RARB: variants seen among roughly 807,000 people sequenced by gnomAD.
RARB encodes HBV-activated protein.
RARB carries 17 observed loss-of-function variants against 51.9 expected under a neutral mutation model. The ratio of observed to expected loss-of-function variants is 0.33; its 90% CI spans 0.22 to 0.49. The LOEUF (loss-of-function observed/expected upper bound fraction) is 0.49, where lower values mean the gene tolerates loss of function less well. RARB is among the 20% of genes least tolerant of loss of function. RARB has a pLI of 0.99. For synonymous variants in RARB, 215 were observed against 195.4 expected, an observed-to-expected ratio of 1.10 and a Z score of -0.84; for missense variants, 369 against 550.8, an observed-to-expected ratio of 0.67 and a Z score of 3.30.
intron 5 of RARB, among the ~76,000 whole-genome samples, chr3:25,311,901 ATC>A (rs1415604604): frequency 6.6e-6 from 1 of 152,172 alleles, no homozygotes; most frequent in African/African-American, 2.4e-5. Context: ...CTCCTAAGAA[ATC>A]CTGCCTCCTT....
At position 24,952,445 on chromosome 3, in the gene RARB, G is replaced by A. The variant is rs187583167; in HGVS notation, c.-380+93693G>A. Among the ~76,000 whole-genome samples, 260 of 152,122 alleles carry A rather than the reference G, an allele frequency of 1.7e-3. 5 individuals are homozygous for A. The highest frequency in any genetic ancestry group is 2.2e-4 in the Non-Finnish European group (15 of 68,014). On this transcript the variant is annotated intron_variant, in intron 2 of 11. Transcript: ENST00000383772. ...TTTCTAGGTTTTCCTTTACTAAAAT[G>A]TATTCTACTCTCTGCTAATGGCGCT...
chr3:25,033,302 G>A (rs1296509532), intron 2 of RARB, among the ~76,000 whole-genome samples: 1 of 152,162 alleles, frequency 6.6e-6, no homozygotes, highest in Non-Finnish European at 1.5e-5. Context: ...CTCATCTATT[G>A]TTAAAGATAG....
intron 5 of RARB, among the ~76,000 whole-genome samples, chr3:25,205,487 A>G (rs1701516186): frequency 6.6e-6 from 1 of 152,126 alleles, no homozygotes. Flanking sequence ...TCAGTTGGAA[A>G]TGCAGAAATA....
At chr3:25,163,349 T>A (rs1455706539) in intron 4 of RARB, among the ~76,000 whole-genome samples, 1 of 151,302 alleles carries the variant, frequency 6.6e-6, no homozygotes, top group Non-Finnish European at 1.5e-5. Flanking sequence ...ACAAAAAAAA[T>A]AAAAAATTAG....
chr3:25,391,516 T>C (rs1430973447), intron 5 of RARB, among the ~76,000 whole-genome samples: 1 of 152,194 alleles, frequency 6.6e-6, no homozygotes, highest in Non-Finnish European at 1.5e-5. Flanking sequence ...CCAATAGCAG[T>C]GCAAAAGTGT....
intron 5 of RARB, among the ~76,000 whole-genome samples, chr3:25,274,285 A>G (rs567262073): frequency 6.6e-6 from 1 of 152,306 alleles, no homozygotes; most frequent in African/African-American, 2.4e-5. Flanking sequence ...ATTTATACTA[A>G]CAACACCTCT....
intron 2 of RARB, among the ~76,000 whole-genome samples, chr3:25,057,615 C>G (rs1425710196): frequency 6.6e-6 from 1 of 151,816 alleles, no homozygotes; most frequent in Non-Finnish European, 1.5e-5. Context: ...ATTTGTGGAC[C>G]CTATGGGATG....
chr3:25,273,649 T>C (rs1167722845), intron 5 of RARB, among the ~76,000 whole-genome samples: 1 of 152,222 alleles, frequency 6.6e-6, no homozygotes, highest in African/African-American at 2.4e-5. Flanking sequence ...AGATAAGGAA[T>C]GCGATATCAT....
chr3:25,336,200 T>G (rs1299447078), intron 5 of RARB, among the ~76,000 whole-genome samples: 1 of 152,108 alleles, frequency 6.6e-6, no homozygotes, highest in African/African-American at 2.4e-5. Flanking sequence ...TAAACCAAAA[T>G]GCTAAGAGAA....
chr3:25,104,907 T>C (rs1166354970), intron 3 of RARB, among the ~76,000 whole-genome samples: 1 of 151,774 alleles, frequency 6.6e-6, no homozygotes, highest in Admixed American at 6.6e-5. Context: ...GTTGGGGGAG[T>C]GGAGGTAATG....
At chr3:25,144,105 C>G (rs1249709988) in intron 4 of RARB, among the ~76,000 whole-genome samples, 1 of 152,172 alleles carries the variant, frequency 6.6e-6, no homozygotes, top group Non-Finnish European at 1.5e-5. Flanking sequence ...AACCTTAGTT[C>G]ATACATTCAA....
intron 3 of RARB, among the ~76,000 whole-genome samples, chr3:25,508,523 CAG>C (rs1697722884): frequency 6.6e-6 from 1 of 152,182 alleles, no homozygotes; most frequent in Non-Finnish European, 1.5e-5. Context: ...GGCTTAATAA[CAG>C]GGAAATTCAT....
intron 2 of RARB, among the ~76,000 whole-genome samples, chr3:24,977,408 C>G (rs1338069524): frequency 1.3e-5 from 2 of 152,180 alleles, no homozygotes; most frequent in Admixed American, 1.3e-4. Flanking sequence ...GAATGTTCTT[C>G]CATTTGTTTG....
intron 3 of RARB, among the ~76,000 whole-genome samples, chr3:25,561,434 A>G (rs960929318): frequency 6.6e-6 from 1 of 152,148 alleles, no homozygotes; most frequent in African/African-American, 2.4e-5. Context: ...GCTTAAAACT[A>G]TAAGCTTTTG....
intron 2 of RARB, among the ~76,000 whole-genome samples, chr3:24,905,636 C>T (rs1694846935): frequency 6.6e-6 from 1 of 152,164 alleles, no homozygotes; most frequent in African/African-American, 2.4e-5. Context: ...TATTGCCTTT[C>T]TTTCCTTCTT....
intron 1 of RARB, among the ~76,000 whole-genome samples, chr3:25,433,339 G>A (rs1708285148): frequency 6.6e-6 from 1 of 151,904 alleles, no homozygotes; most frequent in Non-Finnish European, 1.5e-5. Context: ...GTCAATATAA[G>A]TAGAGCTCTC....
At chr3:24,993,511 T>TG (rs1696957255) in intron 2 of RARB, among the ~76,000 whole-genome samples, 1 of 152,092 alleles carries the variant, frequency 6.6e-6, no homozygotes, top group East Asian at 1.9e-4. Flanking sequence ...ATCTGAAATA[T>TG]TGACTATGTT....
intron 3 of RARB, among the ~76,000 whole-genome samples, chr3:25,095,274 C>T (rs1699273759): frequency 6.6e-6 from 1 of 152,116 alleles, no homozygotes; most frequent in African/African-American, 2.4e-5. Context: ...ATTTGGGAAC[C>T]ACTGCCATCT....
At chr3:25,207,251 C>T (rs897534204) in intron 5 of RARB, among the ~76,000 whole-genome samples, 2 of 152,128 alleles carry the variant, frequency 1.3e-5, no homozygotes, top group African/African-American at 4.8e-5. Flanking sequence ...CATTTTGAGT[C>T]TTTACTGAGA....
Sources: gnomAD v4.1 joint callset for allele counts (sites outside exome capture counted in the v4.1 genomes callset) on GRCh38, gnomAD v4.1.1 for gene constraint, MANE v1.5 for transcripts, NCBI Gene and HGNC (gene_info 2026-07-23, HGNC 2026-07-21) for gene names.